Variants in SGCD observed in about 807,000 individuals in gnomAD.
SGCD encodes sarcoglycan delta.
In SGCD, 18 loss-of-function variants were observed where a neutral mutation model predicts 36.6. The ratio of observed to expected loss-of-function variants is 0.49; its 90% confidence interval spans 0.34 to 0.73. The LOEUF (loss-of-function observed/expected upper bound fraction) is 0.73, where lower values mean the gene tolerates loss of function less well. SGCD is among the 30% of genes least tolerant of loss of function. The probability of loss-of-function intolerance (pLI) is 0.01; values close to 1 mark genes in which losing one functional copy is unlikely to be tolerated. For synonymous variants in SGCD, 133 were observed against 130.6 expected (o/e 1.02, Z -0.12); for missense variants, 387 against 346.7 (o/e 1.12, Z -0.92).
At chr5:156,018,545 T>G (rs1759033547) in intron 1 of SGCD, among the ~76,000 whole-genome samples, 1 of 148,524 alleles carries the variant, frequency 6.7e-6, no homozygotes, top group Admixed American at 6.7e-5. Flanking sequence ...TAAATTGTTT[T>G]TAATAGGGGA....
At chr5:156,680,145 G>A (rs1188109766) in intron 7 of SGCD, among the ~76,000 whole-genome samples, 5 of 152,110 alleles carry the variant, frequency 3.3e-5, no homozygotes, top group Non-Finnish European at 7.3e-5. Context: ...GATGCAAATG[G>A]CCTTTGGATA....
chr5:156,650,666 TTG>T (rs1763423501), intron 7 of SGCD, among the ~76,000 whole-genome samples: 1 of 152,160 alleles, frequency 6.6e-6, no homozygotes, highest in South Asian at 2.1e-4. Flanking sequence ...GGACATGATT[TTG>T]TTAGTTTTTT....
At chr5:155,808,187 C>T in the SGCD span, among the ~76,000 whole-genome samples, 1 of 152,190 alleles carries the variant, frequency 6.6e-6, no homozygotes, top group African/African-American at 2.4e-5. Flanking sequence ...GGAGTGAGAA[C>T]AAACAGTTGG....
At chr5:155,781,276 C>T in the SGCD span, among the ~76,000 whole-genome samples, 3 of 152,102 alleles carry the variant, frequency 2.0e-5, no homozygotes, top group Non-Finnish European at 1.5e-5. Context: ...TCATATGGGT[C>T]TCCCGACTTC....
intron 3 of SGCD, among the ~76,000 whole-genome samples, chr5:156,277,233 AT>A (rs1328206427): frequency 2.0e-5 from 3 of 152,120 alleles, no homozygotes; most frequent in Admixed American, 6.6e-5. Context: ...CTTCGCCAAA[AT>A]TCAAGGAGGC....
chr5:156,334,920 A>C (rs1219902890), intron 2 of SGCD, among the ~76,000 whole-genome samples: 2 of 152,148 alleles, frequency 1.3e-5, no homozygotes, highest in Non-Finnish European at 1.5e-5. Flanking sequence ...CTTTGTATTC[A>C]GGAAAAGTTA....
the SGCD span, among the ~76,000 whole-genome samples, chr5:155,858,824 T>G: frequency 2.6e-5 from 4 of 152,164 alleles, no homozygotes; most frequent in Non-Finnish European, 5.9e-5. Context: ...TGCTACGGAT[T>G]AACTGAATCA....
At chr5:155,998,978 G>C (rs1462495510) in intron 1 of SGCD, among the ~76,000 whole-genome samples, 1 of 152,130 alleles carries the variant, frequency 6.6e-6, no homozygotes, top group Non-Finnish European at 1.5e-5. Context: ...TGGCTCCAGG[G>C]AAACCCAAAT....
chr5:156,271,854 C>G (rs755524362), intron 3 of SGCD, among the ~76,000 whole-genome samples: 26 of 152,136 alleles, frequency 1.7e-4, no homozygotes, highest in Non-Finnish European at 3.4e-4. Context: ...CATTCCCAGA[C>G]AGAACACCAA....
At chr5:156,426,924 C>T (rs2127784401) in intron 3 of SGCD, among the ~76,000 whole-genome samples, 1 of 152,198 alleles carries the variant, frequency 6.6e-6, no homozygotes, top group Admixed American at 6.5e-5. Context: ...ATACCAGTAC[C>T]ATGCTGTTTT....
the SGCD span, among the ~76,000 whole-genome samples, chr5:155,786,036 G>A: frequency 6.6e-6 from 1 of 152,096 alleles, no homozygotes; most frequent in Non-Finnish European, 1.5e-5. Flanking sequence ...CATCTGTTTG[G>A]AATATGTGAT....
intron 7 of SGCD, among the ~76,000 whole-genome samples, chr5:156,719,708 A>G (rs528142781): frequency 1.3e-5 from 2 of 152,172 alleles, no homozygotes; most frequent in Non-Finnish European, 2.9e-5. Context: ...ATGAAAGGAA[A>G]GTTCCCAGAA....
chr5:156,495,109 C>G (rs1756125597), intron 3 of SGCD, among the ~76,000 whole-genome samples: 1 of 152,126 alleles, frequency 6.6e-6, no homozygotes, highest in Admixed American at 6.6e-5. Context: ...ATCCACTGTT[C>G]TGTTCTGAGA....
chr5:156,307,653 TTC>T (rs1249322496), intron 3 of SGCD, among the ~76,000 whole-genome samples: 2 of 151,280 alleles, frequency 1.3e-5, no homozygotes, highest in African/African-American at 4.9e-5. Flanking sequence ...ATACTTAGAT[TTC>T]TTTCTCATTT....
At chr5:156,556,408 C>T (rs148252225) in intron 4 of SGCD, among the ~76,000 whole-genome samples, 77 of 152,246 alleles carry the variant, frequency 5.1e-4, no homozygotes, top group African/African-American at 1.7e-3. Flanking sequence ...TCCTTTCTTG[C>T]TACTCTTCTA....
At chr5:155,830,169 G>T in the SGCD span, among the ~76,000 whole-genome samples, 1 of 152,162 alleles carries the variant, frequency 6.6e-6, no homozygotes, top group Non-Finnish European at 1.5e-5. Context: ...AAATAACACA[G>T]ATTGGGTGGC....
At chr5:156,241,011 T>A (rs1261104764) in intron 3 of SGCD, among the ~76,000 whole-genome samples, 1 of 152,210 alleles carries the variant, frequency 6.6e-6, no homozygotes, top group African/African-American at 2.4e-5. Context: ...AAAAATTGCC[T>A]TAAACTGATT....
At chr5:156,615,467 G>A (rs1418225940) in intron 6 of SGCD, among the ~76,000 whole-genome samples, 1 of 152,116 alleles carries the variant, frequency 6.6e-6, no homozygotes. Flanking sequence ...ATTCAAATAT[G>A]GTTTGATGCT....
At chr5:156,088,559 G>C (rs1038968580) in intron 1 of SGCD, among the ~76,000 whole-genome samples, 1 of 152,106 alleles carries the variant, frequency 6.6e-6, no homozygotes, top group South Asian at 2.1e-4. Flanking sequence ...GAATGCAGTG[G>C]TGCAATCATG....
Sources: gnomAD v4.1 joint callset for allele counts (sites outside exome capture counted in the v4.1 genomes callset) on GRCh38, gnomAD v4.1.1 for gene constraint, MANE v1.5 for transcripts, NCBI Gene and HGNC (gene_info 2026-07-23, HGNC 2026-07-21) for gene names.